Variants in FHIT observed in about 807,000 individuals in gnomAD.
The protein encoded by FHIT is bis(5'-adenosyl)-triphosphatase.
A neutral mutation model predicts 17.9 loss-of-function variants in FHIT; 19 were observed. The ratio of observed to expected loss-of-function variants is 1.06; its 90% CI spans 0.74 to 1.56. The LOEUF (loss-of-function observed/expected upper bound fraction) is 1.56. Ranked by LOEUF, FHIT falls within the 40% of genes most tolerant of loss-of-function variation. The pLI, the probability that FHIT is intolerant of heterozygous loss-of-function variation, is 0.00. For synonymous variants in FHIT, 81 were observed against 69.7 expected (o/e 1.16, Z -0.81); for missense variants, 248 against 189.2 (o/e 1.31, Z -1.82).
At chr3:59,928,641 C>A (rs1705792592) in intron 7 of FHIT, among the ~76,000 whole-genome samples, 1 of 152,210 alleles carries the variant, frequency 6.6e-6, no homozygotes, top group Non-Finnish European at 1.5e-5. Context: ...AGATGCTCAA[C>A]ATCCTTAGCC....
rs554023150 is a variant in FHIT at position 60,273,961 on chromosome 3, ATAAT to A, written c.104-259813_104-259810del. ...ATGCACTTATATAACTTTTATTAAA[ATAAT>A]TAATATTTAACGAAGACAATTGAAA... On this transcript the variant is annotated intron_variant, in intron 5 of 9. Coordinates refer to ENST00000492590, the MANE Select transcript of FHIT (RefSeq NM_002012.4). Among the ~76,000 whole-genome samples the A allele has an allele frequency of 1.5e-3, 223 of 152,366 alleles. 2 individuals carry two copies. Among genetic ancestry groups the A allele is most frequent in the Middle Eastern group, 6.8e-3 (2 of 294 alleles).
chr3:59,782,710 G>A (rs1212946139), intron 8 of FHIT, among the ~76,000 whole-genome samples: 1 of 152,020 alleles, frequency 6.6e-6, no homozygotes, highest in African/African-American at 2.4e-5. Context: ...AATTTTGGGG[G>A]GTGAGTACAC....
intron 4 of FHIT, among the ~76,000 whole-genome samples, chr3:60,612,686 A>G (rs2107734919): frequency 6.6e-6 from 1 of 152,350 alleles, no homozygotes; most frequent in South Asian, 2.1e-4. Flanking sequence ...GATATCATTC[A>G]TCTCTGGCTA....
Position 60,730,720 on chromosome 3 carries a change from G to A in FHIT, c.-18+91199C>T, listed in dbSNP as rs140006345. ...CCGCCATCACCACCCTACTGCCTTC[G>A]CCTACCTGGCACTTTTTGCTAATCC... On this transcript the variant is annotated intron_variant, in intron 4 of 9. Coordinates refer to ENST00000492590, the MANE Select transcript of FHIT (RefSeq NM_002012.4). 5.8e-3 allele frequency: 880 copies of A among 152,526 alleles called. 4 individuals are homozygous for A. The highest frequency in any genetic ancestry group is 0.014 in the South Asian group (68 of 4,828). The allele number at this position is 152,526 out of a possible 1,614,324, so 9.4% of individuals were successfully genotyped here.
At chr3:60,153,257 C>A (rs1309303294) in intron 5 of FHIT, among the ~76,000 whole-genome samples, 1 of 151,258 alleles carries the variant, frequency 6.6e-6, no homozygotes, top group African/African-American at 2.4e-5. Flanking sequence ...AAAACCCAGA[C>A]TAGAACCTGT....
In FHIT at chr3:60,080,148, G is replaced by T. The variant is rs576332040; in HGVS notation, c.104-65996C>A. On this transcript the variant is annotated intron_variant, in intron 5 of 9. Transcript: ENST00000492590. ...TACAGCCAAAAGAAAAATAATGAAG[G>T]TCAAGGAGGATCAAAATTTACCTGA... 2.6e-5 allele frequency among the ~76,000 whole-genome samples: 4 copies of T among 152,156 alleles called. No homozygotes were observed. In the East Asian group the frequency reaches 7.7e-4, roughly 29 times the overall value.
intron 7 of FHIT, among the ~76,000 whole-genome samples, chr3:60,004,499 T>C (rs1257359949): frequency 1.3e-5 from 2 of 152,130 alleles, no homozygotes; most frequent in African/African-American, 4.8e-5. Flanking sequence ...TAAACAGGGA[T>C]TGTCCTCTGG....
intron 3 of FHIT, among the ~76,000 whole-genome samples, chr3:61,034,236 C>T (rs1456884369): frequency 3.3e-5 from 5 of 152,022 alleles, no homozygotes; most frequent in African/African-American, 9.7e-5. Context: ...ACCAAAAGCA[C>T]AAGCAACAAA....
intron 5 of FHIT, among the ~76,000 whole-genome samples, chr3:60,192,453 C>T (rs772915691): frequency 1.8e-4 from 27 of 152,228 alleles, no homozygotes; most frequent in Non-Finnish European, 3.7e-4. Flanking sequence ...ATCTCCCTAC[C>T]TCCCAAATGG....
At chr3:60,070,470 C>T (rs761880746) in intron 5 of FHIT, among the ~76,000 whole-genome samples, 3 of 152,228 alleles carry the variant, frequency 2.0e-5, no homozygotes, top group Non-Finnish European at 4.4e-5. Flanking sequence ...GACGATGATA[C>T]AGCTTTCATT....
chr3:59,880,605 C>T (rs1029288866), intron 8 of FHIT, among the ~76,000 whole-genome samples: 6 of 152,190 alleles, frequency 3.9e-5, no homozygotes, highest in Admixed American at 2.6e-4. Context: ...GCCTCAGGTC[C>T]CTCATTTGTA....
chr3:60,440,570 T>C (rs937754514), intron 5 of FHIT, among the ~76,000 whole-genome samples: 2 of 152,118 alleles, frequency 1.3e-5, no homozygotes, highest in Non-Finnish European at 2.9e-5. Flanking sequence ...TATCTTACCA[T>C]GAGGAACCTC....
At chr3:60,368,253 A>ATAC (rs1700191624) in intron 5 of FHIT, among the ~76,000 whole-genome samples, 1 of 150,800 alleles carries the variant, frequency 6.6e-6, no homozygotes, top group Non-Finnish European at 1.5e-5. Context: ...GTACCATTTC[A>ATAC]TACTCCCACT....
intron 5 of FHIT, among the ~76,000 whole-genome samples, chr3:60,405,463 C>A (rs1200943084): frequency 6.6e-6 from 1 of 152,300 alleles, no homozygotes; most frequent in East Asian, 1.9e-4. Context: ...TGTTTCAATG[C>A]TCAATGAAAT....
rs187265032 is a variant in FHIT, at chr3:60,226,821, C to T, written c.104-212669G>A. ...TGGAGCACGCATCTATCTGTGGACA[C>T]TGATATCCCATCTTGTCTCTATTGT... On this transcript the variant is annotated intron_variant, in intron 5 of 9. Coordinates refer to ENST00000492590, the MANE Select transcript of FHIT (RefSeq NM_002012.4). 2.6e-5 allele frequency among the ~76,000 whole-genome samples: 4 copies of T among 152,274 alleles called. No individual in the cohort carries two copies. In the East Asian group the frequency reaches 7.7e-4, roughly 29 times the overall value.
intron 5 of FHIT, among the ~76,000 whole-genome samples, chr3:60,516,151 G>A (rs9829628): frequency 0.13 from 20,085 of 152,100 alleles, 1,477 homozygotes; most frequent in Middle Eastern, 0.23. Context: ...TGACTACACC[G>A]AAGAGCTTGA....
At chr3:60,038,961 G>C (rs771409892) in intron 5 of FHIT, among the ~76,000 whole-genome samples, 1 of 152,120 alleles carries the variant, frequency 6.6e-6, no homozygotes, top group Non-Finnish European at 1.5e-5. Flanking sequence ...GTTTCTGGAG[G>C]GGGTGGTCAG....
chr3:61,132,861 A>G (rs1212696819), intron 2 of FHIT, among the ~76,000 whole-genome samples: 2 of 152,242 alleles, frequency 1.3e-5, no homozygotes, highest in Non-Finnish European at 2.9e-5. Context: ...AAAGAAAAAA[A>G]AATGTGGTAG....
intron 2 of FHIT, among the ~76,000 whole-genome samples, chr3:61,173,258 T>C (rs1468499332): frequency 6.6e-6 from 1 of 152,130 alleles, no homozygotes; most frequent in African/African-American, 2.4e-5. Context: ...ATTTTCTCAT[T>C]GGAGCTGCTG....
Sources: allele counts gnomAD v4.1 joint callset (sites outside exome capture counted in the v4.1 genomes callset), GRCh38; gene constraint gnomAD v4.1.1; transcripts MANE v1.5; gene names NCBI Gene and HGNC (gene_info 2026-07-23, HGNC 2026-07-21).